Variants in ITK observed in about 807,000 individuals in gnomAD.
ITK encodes the protein IL2 inducible T cell kinase.
ITK carries 45 observed loss-of-function variants against 87.6 expected under a neutral mutation model. The ratio of observed to expected loss-of-function variants is 0.51; its 90% confidence interval spans 0.40 to 0.66. The LOEUF (loss-of-function observed/expected upper bound fraction) is 0.66. Among genes scored for constraint, ITK ranks in the 30% least tolerant of loss-of-function variants. ITK has a pLI of 0.00. For synonymous variants in ITK, 303 were observed against 273.6 expected (o/e 1.11, Z -1.06); for missense variants, 605 against 766.3 (o/e 0.79, Z 2.48).
chr5:157,198,554 C>A (rs1427209412), intron 1 of ITK, among the ~76,000 whole-genome samples: 1 of 152,104 alleles, frequency 6.6e-6, no homozygotes, highest in Admixed American at 6.5e-5. Flanking sequence ...TGGGATGGAT[C>A]AGTTTCCTGG....
intron 6 of ITK, among the ~76,000 whole-genome samples, chr5:157,227,643 T>G (rs919187814): frequency 6.6e-6 from 1 of 152,134 alleles, no homozygotes; most frequent in Non-Finnish European, 1.5e-5. Context: ...TGTTTCCTTA[T>G]AGAAAATAGA....
intron 7 of ITK, 51 bp downstream of exon 7, chr5:157,228,412 T>C: frequency 9.3e-7 from 1 of 1,069,682 alleles, no homozygotes; most frequent in South Asian, 1.3e-5. Flanking sequence ...GAATCCTCCT[T>C]AAGTTAGGAA....
chr5:157,232,672 G>A lies in ITK; in HGVS notation c.768+278G>A, dbSNP rs139063636. Among the ~76,000 whole-genome samples, 1,039 of 152,336 alleles carry A rather than the reference G, an allele frequency of 6.8e-3. 14 individuals are homozygous for A. Among genetic ancestry groups the A allele is most frequent in the African/African-American group, 0.023 (973 of 41,568 alleles). On this transcript the variant is annotated intron_variant, in intron 8 of 16. Coordinates refer to ENST00000422843, the MANE Select transcript of ITK (RefSeq NM_005546.4). ...TGTACTGTTTTTTCAGCTTTGCTGC[G>A]TTTTATGCCAATGCAGTGGGTTGAC... is the stretch of plus-strand genomic sequence containing the variant.
intron 16 of ITK, among the ~76,000 whole-genome samples, chr5:157,251,822 A>G (rs1224202038): frequency 3.3e-5 from 5 of 152,168 alleles, no homozygotes; most frequent in Admixed American, 2.6e-4. Context: ...ATGGATCTAT[A>G]TCTGGGCTGA....
At chr5:157,186,847 C>G (rs967929601) in intron 1 of ITK, among the ~76,000 whole-genome samples, 1 of 152,196 alleles carries the variant, frequency 6.6e-6, no homozygotes, top group Non-Finnish European at 1.5e-5. Context: ...ACCCGCTTCA[C>G]CCCTGCCTGC....
rs754433426 is a variant in ITK at position 157,181,022 on chromosome 5, C to T, written c.45C>T (p.Ser15=). ...ILLEEQLIKK[S]QQKRRTSPSN... ...TGGAAGAACAGCTCATCAAGAAATC[C>T]CAACAAAAGAGAAGAACTTCTCCCT... Residue 15 remains serine (S), a synonymous_variant, in exon 1 of 17, where the codon TCC becomes TCT. Coordinates refer to ENST00000422843, the MANE Select transcript of ITK (RefSeq NM_005546.4). The T allele has an allele frequency of 1.2e-6, 2 of 1,613,790 alleles. No homozygotes were observed. The highest frequency in any genetic ancestry group is 1.7e-6 in the Non-Finnish European group (2 of 1,179,800).
chr5:157,248,992 TCA>T lies in ITK; in HGVS notation c.1778_1779del (p.His593LeufsTer21). The T allele has an allele frequency of 6.2e-7, 1 of 1,613,852 alleles. No individual in the cohort carries two copies. The highest frequency in any genetic ancestry group is 8.5e-7 in the Non-Finnish European group (1 of 1,179,806). On this transcript the variant is annotated frameshift_variant, in exon 16 of 17. Transcript: ENST00000422843. LOFTEE classifies it high-confidence loss of function. ...CCACACACGTCTACCAGATTATGAA[TCA>T]CTGCTGGAAAGAGGTCAGTGGAGGA... is the stretch of plus-strand genomic sequence containing the variant. ...ASTHVYQIMN[H>X]CWKERPEDRP...
In ITK at chr5:157,201,852, T is replaced by C. The variant is rs529596050; in HGVS notation, c.139-7037T>C. Among the ~76,000 whole-genome samples, 17 of 152,318 alleles carry C rather than the reference T, an allele frequency of 1.1e-4. No homozygotes were observed. The South Asian group carries it at 1.5e-3, about 13-fold the overall frequency. ...ACATACAAATTAATTTTTTTAACTT[T>C]TATTTTAGGTTCAGAGGTACATGTG... On this transcript the variant is annotated intron_variant, in intron 1 of 16. Transcript: ENST00000422843.
chr5:157,213,978 G>C (rs1361612563), intron 3 of ITK, among the ~76,000 whole-genome samples: 4 of 152,294 alleles, frequency 2.6e-5, no homozygotes, highest in South Asian at 2.1e-4. Flanking sequence ...CCAGACGCAA[G>C]CCTAGATGTG....
intron 1 of ITK, among the ~76,000 whole-genome samples, chr5:157,189,202 T>C (rs190879326): frequency 6.6e-6 from 1 of 152,312 alleles, no homozygotes; most frequent in East Asian, 1.9e-4. Context: ...TAATGTGAGG[T>C]TAATGTTTTA....
chr5:157,221,640 A>G (rs929259032), intron 5 of ITK, among the ~76,000 whole-genome samples: 2 of 152,166 alleles, frequency 1.3e-5, no homozygotes, highest in East Asian at 1.9e-4. Flanking sequence ...TACTATCATA[A>G]TTTGAGGGCC....
At chr5:157,239,976 A>T (rs1340899259) in intron 9 of ITK, 86 bp from the exon 10 acceptor site, 5 of 1,323,372 alleles carry the variant, frequency 3.8e-6, no homozygotes, top group Non-Finnish European at 5.3e-6. Context: ...TAAGACAAAG[A>T]TAATAAGAAC....
chr5:157,218,504 G>C (rs928588994), intron 5 of ITK, among the ~76,000 whole-genome samples: 1 of 119,932 alleles, frequency 8.3e-6, no homozygotes, highest in African/African-American at 3.2e-5. Flanking sequence ...GCAAGACCCC[G>C]TCTCCAGAAA....
At chr5:157,190,442 A>G (rs58828881) in intron 1 of ITK, among the ~76,000 whole-genome samples, 2,669 of 152,340 alleles carry the variant, frequency 0.018, 72 homozygotes, top group African/African-American at 0.062. Flanking sequence ...GCACCACGCT[A>G]GATGTGAGGA....
In ITK at chr5:157,253,140, C is replaced by A. The variant is rs1332677337; in HGVS notation, c.*462C>A. On this transcript the variant is annotated 3_prime_UTR_variant, in exon 17 of 17. Coordinates refer to ENST00000422843, the MANE Select transcript of ITK (RefSeq NM_005546.4). ...ATATGGAGGCAAGGGGAACAAAGAG[C>A]ATGAGTCTTTTTCCAAGAAAACTGG... The A allele has an allele frequency of 8.9e-5, 26 of 293,348 alleles. No individual in the cohort carries two copies. The East Asian group carries it at 1.2e-3, about 14-fold the overall frequency. 18.2% of individuals were successfully genotyped at this position (293,348 alleles called of 1,614,324 possible).
intron 4 of ITK, among the ~76,000 whole-genome samples, chr5:157,216,034 G>C (rs910104702): frequency 6.6e-6 from 1 of 152,168 alleles, no homozygotes; most frequent in African/African-American, 2.4e-5. Context: ...GTCCTGCTGT[G>C]GTTGTCATGC....
intron 1 of ITK, among the ~76,000 whole-genome samples, chr5:157,183,855 T>G (rs1410835105): frequency 6.6e-6 from 1 of 152,218 alleles, no homozygotes; most frequent in African/African-American, 2.4e-5. Flanking sequence ...AAAATAACCC[T>G]TCTACATACT....
chr5:157,248,665 A>G (rs1369853202), intron 15 of ITK, among the ~76,000 whole-genome samples, 185 bp from the exon 16 acceptor site: 2 of 152,164 alleles, frequency 1.3e-5, no homozygotes, highest in East Asian at 3.9e-4. Context: ...TCCACTACAA[A>G]GGTTGGGAAA....
chr5:157,231,473 TTCTG>T (rs1177220178), intron 7 of ITK, among the ~76,000 whole-genome samples: 1 of 152,216 alleles, frequency 6.6e-6, no homozygotes, highest in African/African-American at 2.4e-5. Context: ...TCATGTACTG[TTCTG>T]TCTTATAATG....
Sources: gnomAD v4.1 joint callset for allele counts (sites outside exome capture counted in the v4.1 genomes callset) on GRCh38, gnomAD v4.1.1 for gene constraint, MANE v1.5 for transcripts, NCBI Gene and HGNC (gene_info 2026-07-23, HGNC 2026-07-21) for gene names.